Variants in NPHP3 observed in about 807,000 individuals in gnomAD.
NPHP3 encodes nephrocystin 3.
NPHP3 carries 123 observed loss-of-function variants against 171.9 expected under a neutral mutation model. That is an observed-to-expected ratio of 0.72 (90% CI 0.62 to 0.83). The LOEUF is 0.83. Among genes scored for constraint, NPHP3 ranks in the 40% least tolerant of loss-of-function variants. The pLI is 0.00. For missense variants in NPHP3, 1,506 were observed against 1,591.9 expected (o/e 0.95, Z 0.92); for synonymous variants, 558 against 579.2 (o/e 0.96, Z 0.52).
intron 5 of NPHP3, among the ~76,000 whole-genome samples, chr3:132,714,002 A>G (rs1267369732): frequency 6.6e-6 from 1 of 152,264 alleles, no homozygotes; most frequent in Non-Finnish European, 1.5e-5. Context: ...CTTTTTATAT[A>G]AAGGGTTAGA....
chr3:132,701,310 T>A, intron 10 of NPHP3, 120 bp downstream of exon 10: 1 of 705,038 alleles, frequency 1.4e-6, no homozygotes. Flanking sequence ...GTTTTATTCC[T>A]TTTTACTTTG....
intron 7 of NPHP3, 77 bp from the exon 8 acceptor site, chr3:132,705,891 C>T (rs1049089857): frequency 2.6e-6 from 2 of 768,452 alleles, no homozygotes; most frequent in African/African-American, 3.5e-5. Flanking sequence ...TTTTATACTG[C>T]TTATGTGACA....
intron 7 of NPHP3, 80 bp downstream of exon 7, chr3:132,708,021 G>A (rs1306850427): frequency 1.4e-6 from 2 of 1,382,762 alleles, no homozygotes; most frequent in African/African-American, 2.9e-5. Context: ...AGATATGCCA[G>A]GCTTATGCCC....
chr3:132,699,190 T>C (rs1939537613), intron 13 of NPHP3, among the ~76,000 whole-genome samples, 163 bp downstream of exon 13: 1 of 152,196 alleles, frequency 6.6e-6, no homozygotes, highest in Admixed American at 6.5e-5. Context: ...ATCTATACAA[T>C]TCTATAGATT....
At chr3:132,701,356 A>G in intron 10 of NPHP3, 74 bp downstream of exon 10, 1 of 1,022,712 alleles carries the variant, frequency 9.8e-7, no homozygotes, top group East Asian at 2.4e-5. Context: ...GAAGGCAGGC[A>G]TGCAATACAT....
chr3:132,715,245 G>A, intron 4 of NPHP3, 27 bp from the exon 5 acceptor site: 1 of 1,602,912 alleles, frequency 6.2e-7, no homozygotes. Flanking sequence ...TCAAGTTCAT[G>A]AAAAAATTAC....
intron 22 of NPHP3, among the ~76,000 whole-genome samples, chr3:132,686,918 G>A (rs906689448): frequency 1.4e-4 from 21 of 152,056 alleles, no homozygotes; most frequent in Middle Eastern, 3.4e-3. Context: ...TTTAAATTCC[G>A]TCTTTCAAAA....
At position 132,692,131 on chromosome 3, in the gene NPHP3, C is replaced by A. The variant is rs530685465; in HGVS notation, c.2475+523G>T. On this transcript the variant is annotated intron_variant, in intron 17 of 26. Transcript: ENST00000337331. ...TTACAGTTACACACAGTATTCAGTA[C>A]AGTAATATGCTGTGCAGGTTTGTAG... is the stretch of plus-strand genomic sequence containing the variant. Among the ~76,000 whole-genome samples, 7 of 152,286 alleles carry A rather than the reference C, an allele frequency of 4.6e-5. No homozygotes were observed. The South Asian group carries it at 8.3e-4, about 18-fold the overall frequency.
Position 132,718,894 on chromosome 3 carries a change from A to C in NPHP3, c.670+100T>G, listed in dbSNP as rs1363992472. ...CAACAGTAGTTAAAGCAATAACCTA[A>C]TATAGATAAGTAAAAGAAATCTAGC... is the stretch of plus-strand genomic sequence containing the variant. On this transcript the variant is annotated intron_variant, in intron 3 of 26. Coordinates refer to ENST00000337331, the MANE Select transcript of NPHP3 (RefSeq NM_153240.5). The C allele has an allele frequency of 5.8e-6, 7 of 1,211,486 alleles. No individual in the cohort carries two copies. The African/African-American group carries it at 1.1e-4, about 18-fold the overall frequency. 75.0% of individuals were successfully genotyped at this position (1,211,486 alleles called of 1,614,324 possible).
intron 5 of NPHP3, among the ~76,000 whole-genome samples, chr3:132,714,030 A>G (rs1295696386): frequency 1.3e-5 from 2 of 152,262 alleles, no homozygotes; most frequent in Non-Finnish European, 2.9e-5. Context: ...TATGTCTACA[A>G]AAATAATAAT....
At position 132,703,099 on chromosome 3, in the gene NPHP3, T is replaced by C. The variant is rs144210791; in HGVS notation, c.1524+1099A>G. Among the ~76,000 whole-genome samples, 129 of 152,366 alleles carry C rather than the reference T, an allele frequency of 8.5e-4. 2 individuals carry two copies. The highest frequency in any genetic ancestry group is 1.6e-3 in the Non-Finnish European group (109 of 68,038). Reference sequence around the variant, plus strand: ...CTAACATTTATCATGGGCCAGGTACTGTGCTAAGCACTTTATGTGCATTAT... The same window carrying C: ...CTAACATTTATCATGGGCCAGGTACCGTGCTAAGCACTTTATGTGCATTAT... On this transcript the variant is annotated intron_variant, in intron 9 of 26. Transcript: ENST00000337331.
chr3:132,718,926 C>T (rs1286763462), intron 3 of NPHP3, 68 bp downstream of exon 3: 28 of 1,500,766 alleles, frequency 1.9e-5, no homozygotes, highest in Non-Finnish European at 2.1e-5. Context: ...TAGCAGAATT[C>T]AAAGTTGGCT....
At chr3:132,698,688 G>A (rs1366243738) in intron 13 of NPHP3, among the ~76,000 whole-genome samples, 3 of 152,208 alleles carry the variant, frequency 2.0e-5, no homozygotes, top group East Asian at 3.9e-4. Flanking sequence ...AAATTTAACT[G>A]CCTACTAGAC....
At position 132,681,660 on chromosome 3, in the gene NPHP3, T is replaced by A. The variant is rs1003311829; in HGVS notation, c.*250A>T. On this transcript the variant is annotated 3_prime_UTR_variant, in exon 27 of 27. Transcript: ENST00000337331. ...TCCGCTCTTCATGATTTGCTCCTCA[T>A]GTCTTCTTATAATTCTAATGTGTCT... 1 of 461,460 alleles carries A rather than the reference T, an allele frequency of 2.2e-6. No homozygotes were observed. The highest frequency in any genetic ancestry group is 2.0e-5 in the African/African-American group (1 of 50,576). 28.6% of individuals were successfully genotyped at this position (461,460 alleles called of 1,614,324 possible).
Position 132,690,398 on chromosome 3 carries a change from T to C in NPHP3, c.2693+130A>G, listed in dbSNP as rs114883280. 1,433 of 841,208 alleles carry C rather than the reference T, an allele frequency of 1.7e-3. 10 individuals are homozygous for C. The African/African-American group carries it at 0.022, about 13-fold the overall frequency. 52.1% of individuals were successfully genotyped at this position (841,208 alleles called of 1,614,324 possible). A position where few individuals can be genotyped will look rare whatever the true frequency, so the allele number is the denominator to read the frequency against. On this transcript the variant is annotated intron_variant, in intron 19 of 26. Transcript: ENST00000337331. ...TAGAGATTTGTAAATTGTCTCAAGATTTCTCCTACACTATTTGTATTTCAG... is the reference window on the plus strand; with the variant it reads ...TAGAGATTTGTAAATTGTCTCAAGACTTCTCCTACACTATTTGTATTTCAG...
chr3:132,704,098 TATAATC>T, intron 9 of NPHP3, 94 bp downstream of exon 9: 5 of 1,186,020 alleles, frequency 4.2e-6, no homozygotes, highest in Non-Finnish European at 6.3e-6. Context: ...AGACAACTAA[TATAATC>T]ATAAACCTTA....
rs1435766512 is a variant in NPHP3 at position 132,680,840 on chromosome 3, GAAGA to G, written c.*1066_*1069del. 1 of 152,158 alleles carries G rather than the reference GAAGA, an allele frequency of 6.6e-6. No homozygotes were observed. Among genetic ancestry groups the G allele is most frequent in the Non-Finnish European group, 1.5e-5 (1 of 68,026 alleles). 9.4% of individuals were successfully genotyped at this position (152,158 alleles called of 1,614,324 possible). On this transcript the variant is annotated 3_prime_UTR_variant, in exon 27 of 27. Transcript: ENST00000337331. Reference sequence around the variant, plus strand: ...ATACTAATTTGAGTTTGAGGTAAATGAAGAGACAGATTTAGGCCATCTAAGAAGG... The same window carrying G: ...ATACTAATTTGAGTTTGAGGTAAATGGACAGATTTAGGCCATCTAAGAAGG...
Position 132,699,361 on chromosome 3 carries a change from TG to T in NPHP3, c.1976del (p.Pro659GlnfsTer14), listed in dbSNP as rs1939543636. 6.2e-7 allele frequency: 1 copy of T among 1,608,604 alleles called. No homozygotes were observed. Among genetic ancestry groups the T allele is most frequent in the Admixed American group, 1.7e-5 (1 of 60,008 alleles). On this transcript the variant is annotated frameshift_variant, in exon 13 of 27. Coordinates refer to ENST00000337331, the MANE Select transcript of NPHP3 (RefSeq NM_153240.5). LOFTEE classifies it high-confidence loss of function. ...IVSVNVETCP[P>X]AWRLWPTLHL... ...TAAAGTTGGCATCGTACCTCCATGC[TG>T]GAGGGCATGTTTCTACATTCACAGA...
In NPHP3 at chr3:132,694,379, T is replaced by TA. The variant is rs1391468945; in HGVS notation, c.2310+447_2310+448insT. Among the ~76,000 whole-genome samples, 378 of 148,916 alleles carry TA rather than the reference T, an allele frequency of 2.5e-3. 3 individuals are homozygous for TA. The highest frequency in any genetic ancestry group is 7.4e-3 in the African/African-American group (296 of 40,172). On this transcript the variant is annotated intron_variant, in intron 16 of 26. Coordinates refer to ENST00000337331, the MANE Select transcript of NPHP3 (RefSeq NM_153240.5). ...TATGTGTGTGTGTGTGTGTGTGTGT[T>TA]TACACACACACACACATATATATAT... is the stretch of plus-strand genomic sequence containing the variant.
Sources: allele counts gnomAD v4.1 joint callset (sites outside exome capture counted in the v4.1 genomes callset), GRCh38; gene constraint gnomAD v4.1.1; transcripts MANE v1.5; gene names NCBI Gene and HGNC (gene_info 2026-07-23, HGNC 2026-07-21).